The following LRRC34 variants were observed in gnomAD, a reference collection of about 807,000 sequenced individuals.
LRRC34 encodes leucine-rich repeat-containing protein 34.
A neutral mutation model predicts 48.5 loss-of-function variants in LRRC34; 44 were observed. That is an observed-to-expected ratio of 0.91 (90% confidence interval 0.71 to 1.17). The LOEUF (loss-of-function observed/expected upper bound fraction) is 1.17, where lower values mean the gene tolerates loss of function less well. LRRC34 is among the 50% of genes most tolerant of loss of function. The pLI is 0.00. For missense variants in LRRC34, 502 were observed against 563.0 expected (o/e 0.89, Z 1.10); for synonymous variants, 192 against 197.6 (o/e 0.97, Z 0.24).
chr3:169,796,293 G>A lies in LRRC34; in HGVS notation c.985C>T (p.Leu329Phe), dbSNP rs377368072. The change falls in exon 9 of 11, where the codon CTT (leucine) becomes TTT (phenylalanine). Residue 329 changes from leucine (L) to phenylalanine (F), a missense_variant. Coordinates refer to ENST00000446859, the MANE Select transcript of LRRC34 (RefSeq NM_001172779.2). ...KSNTTLEVID[L>F]SFNRIENAGA... ...GCATTTTCTATTCTGTTAAAGGAAAGATCTATTACTTCCAGGGTAGTGTTG... is the reference window on the plus strand; with the variant it reads ...GCATTTTCTATTCTGTTAAAGGAAAAATCTATTACTTCCAGGGTAGTGTTG... The A allele has an allele frequency of 5.6e-5, 91 of 1,612,388 alleles. No homozygotes were observed. The African/African-American group carries it at 1.1e-3, about 20-fold the overall frequency.
Position 169,796,212 on chromosome 3 carries a change from A to G in LRRC34, c.1064+2T>C. The G allele has an allele frequency of 6.3e-7, 1 of 1,593,122 alleles. No individual in the cohort carries two copies. The highest frequency in any genetic ancestry group is 8.5e-7 in the Non-Finnish European group (1 of 1,174,790). On this transcript the variant is annotated splice_donor_variant, in intron 9 of 10. Transcript: ENST00000446859. LOFTEE classifies it high-confidence loss of function. ...TTTGATTAAATATAAAACCATACTA[A>G]CGCTTTAAGACTCCTGTTGTGTGAA...
intron 10 of LRRC34, 110 bp downstream of exon 10, chr3:169,795,375 C>G: frequency 9.0e-7 from 1 of 1,113,462 alleles, no homozygotes; most frequent in Non-Finnish European, 1.2e-6. Flanking sequence ...ATTATCAAAA[C>G]TGCAGTGTCT....
intron 1 of LRRC34, among the ~76,000 whole-genome samples, chr3:169,809,452 T>C (rs73879131): frequency 0.054 from 8,282 of 152,152 alleles, 697 homozygotes; most frequent in African/African-American, 0.19. Context: ...CCATTTCCTC[T>C]TTCTAAAGGT....
chr3:169,797,618 C>T (rs111539930), intron 7 of LRRC34, among the ~76,000 whole-genome samples: 2,180 of 152,258 alleles, frequency 0.014, 20 homozygotes, highest in Middle Eastern at 0.027. Flanking sequence ...AGTACTCTTG[C>T]ATGATTGCTG....
chr3:169,806,915 A>G lies in LRRC34; in HGVS notation c.461T>C (p.Ile154Thr). The change falls in exon 5 of 11, where the codon ATT becomes ACT. Residue 154 changes from isoleucine to threonine, a missense_variant. Physicochemically the swap from Ile to Thr is moderately conservative, Grantham distance 89. Coordinates refer to ENST00000446859, the MANE Select transcript of LRRC34 (RefSeq NM_001172779.2). ...AKLLQKQLNL[I>T]YLNLMFNDIG... ...ATCATTAAACATGAGGTTTAAGTAA[A>G]TGAGATTAAGTTGTTTCTATAAGAG... The G allele has an allele frequency of 6.2e-7, 1 of 1,602,224 alleles. No individual in the cohort carries two copies. The highest frequency in any genetic ancestry group is 8.5e-7 in the Non-Finnish European group (1 of 1,170,978).
At chr3:169,798,484 T>C (rs1779075267) in intron 7 of LRRC34, among the ~76,000 whole-genome samples, 1 of 152,168 alleles carries the variant, frequency 6.6e-6, no homozygotes, top group South Asian at 2.1e-4. Context: ...CAGGTTTGTA[T>C]TTGGGAACAG....
chr3:169,812,435 CG>C lies in LRRC34; in HGVS notation c.113del (p.Pro38ArgfsTer50). 6.5e-7 allele frequency: 1 copy of C among 1,530,068 alleles called. No individual in the cohort carries two copies. The allele number at this position is 1,530,068 out of a possible 1,614,324, so 94.8% of individuals were successfully genotyped here. A position where few individuals can be genotyped will look rare whatever the true frequency, so the allele number is the denominator to read the frequency against. On this transcript the variant is annotated frameshift_variant, in exon 1 of 11. Coordinates refer to ENST00000446859, the MANE Select transcript of LRRC34 (RefSeq NM_001172779.2). LOFTEE classifies it high-confidence loss of function. The surrounding 1 kb of genome is among the most constrained non-coding windows in gnomAD (Gnocchi z 4.3). ...PAWASTQAST[P>X]GAALAVQRES... ...CGCGCTGGACCGCCAGGGCCGCGCC[CG>C]GAGTACTGGCCTGAGTGGAGGCCCA... is the stretch of plus-strand genomic sequence containing the variant.
In LRRC34 at chr3:169,806,837, T is replaced by A; in HGVS notation, c.528+11A>T. 6.4e-7 allele frequency: 1 copy of A among 1,552,358 alleles called. No individual in the cohort carries two copies. Among genetic ancestry groups the A allele is most frequent in the Non-Finnish European group, 8.9e-7 (1 of 1,129,870 alleles). ...AAATACAATGTTAGTTTGAAATACA[T>A]AAATGCTTACATGTAGCACTTTAGC... On this transcript the variant is annotated intron_variant, in intron 5 of 10. Transcript: ENST00000446859.
intron 4 of LRRC34, 74 bp from the exon 5 acceptor site, chr3:169,807,005 A>G: frequency 2.6e-6 from 2 of 776,192 alleles, no homozygotes; most frequent in East Asian, 2.5e-5. Context: ...GTATATACAT[A>G]TACACATACA....
intron 7 of LRRC34, among the ~76,000 whole-genome samples, chr3:169,798,063 A>C (rs1230702911): frequency 6.6e-6 from 1 of 152,222 alleles, no homozygotes; most frequent in Non-Finnish European, 1.5e-5. Context: ...AGGATCTTTA[A>C]AAATGCACGC....
At position 169,808,754 on chromosome 3, in the gene LRRC34, T is replaced by C; in HGVS notation, c.140-9A>G. 1 of 1,352,606 alleles carries C rather than the reference T, an allele frequency of 7.4e-7. No individual in the cohort carries two copies. 83.8% of individuals were successfully genotyped at this position (1,352,606 alleles called of 1,614,324 possible). On this transcript the variant is annotated splice_polypyrimidine_tract_variant and intron_variant, in intron 1 of 10. Coordinates refer to ENST00000446859, the MANE Select transcript of LRRC34 (RefSeq NM_001172779.2). ...ACCAGATTCTGGAGATTCTGAAAAA[T>C]ATATGCATCCTCTATCACATATAAA...
Position 169,807,721 on chromosome 3 carries a change from C to CAAAAAAAAAAAAAAAAAAAA in LRRC34, c.258-32_258-13dup, listed in dbSNP as rs377198673. 1 of 757,530 alleles carries CAAAAAAAAAAAAAAAAAAAA rather than the reference C, an allele frequency of 1.3e-6. No individual in the cohort carries two copies. The highest frequency in any genetic ancestry group is 1.6e-6 in the Non-Finnish European group (1 of 614,798). 46.9% of individuals were successfully genotyped at this position (757,530 alleles called of 1,614,324 possible). On this transcript the variant is annotated splice_polypyrimidine_tract_variant and intron_variant, in intron 2 of 10. Transcript: ENST00000446859. ...TTCCTGCTGCTAGCCTGTTAAAATACAAAAAAAAAAAAAAAAAAAAAAGAT... is the reference window on the plus strand; with the variant it reads ...TTCCTGCTGCTAGCCTGTTAAAATACAAAAAAAAAAAAAAAAAAAAAAAAAAAAAAAAAAAAAAAAAAGAT...
chr3:169,793,480 C>T lies in LRRC34; in HGVS notation c.*155G>A. On this transcript the variant is annotated 3_prime_UTR_variant, in exon 11 of 11. Coordinates refer to ENST00000446859, the MANE Select transcript of LRRC34 (RefSeq NM_001172779.2). ...AAAAATTACCCTACTCAGTTTTTCA[C>T]AATAGACAGTTATACAAAGTTTAAT... 1.8e-6 allele frequency: 1 copy of T among 541,098 alleles called. No individual in the cohort carries two copies. Among genetic ancestry groups the T allele is most frequent in the Non-Finnish European group, 3.1e-6 (1 of 324,566 alleles). The allele number at this position is 541,098 out of a possible 1,614,324, so 33.5% of individuals were successfully genotyped here. A position where few individuals can be genotyped will look rare whatever the true frequency, so the allele number is the denominator to read the frequency against.
chr3:169,793,919 A>G, intron 10 of LRRC34, 81 bp from the exon 11 acceptor site: 4 of 893,008 alleles, frequency 4.5e-6, no homozygotes, highest in Non-Finnish European at 6.7e-6. Flanking sequence ...TAAATATTCA[A>G]ATTAGCTGTG....
chr3:169,812,644 C>T lies in LRRC34; in HGVS notation c.-96G>A, dbSNP rs1779642250. 11 of 1,394,826 alleles carry T rather than the reference C, an allele frequency of 7.9e-6. No homozygotes were observed. The East Asian group carries it at 2.9e-4, about 37-fold the overall frequency. 86.4% of individuals were successfully genotyped at this position (1,394,826 alleles called of 1,614,324 possible). On this transcript the variant is annotated 5_prime_UTR_variant, in exon 1 of 11. Coordinates refer to ENST00000446859, the MANE Select transcript of LRRC34 (RefSeq NM_001172779.2). This position sits in a 1 kb window ranked among gnomAD's most constrained non-coding sequence, Gnocchi z 4.3. ...CTTCGAGTCCCGCTGGCTGTGCCTG[C>T]CCGGGCCCTGAGGCCTCACTGCTAA... is the stretch of plus-strand genomic sequence containing the variant.
chr3:169,801,023 T>C (rs1779170545), intron 6 of LRRC34, among the ~76,000 whole-genome samples: 1 of 152,208 alleles, frequency 6.6e-6, no homozygotes, highest in Non-Finnish European at 1.5e-5. Flanking sequence ...TAGGTTTTTT[T>C]TCCTCACCCC....
chr3:169,807,704 G>A lies in LRRC34; in HGVS notation c.263C>T (p.Ala88Val). The A allele has an allele frequency of 7.0e-7, 1 of 1,419,592 alleles. No individual in the cohort carries two copies. The highest frequency in any genetic ancestry group is 2.2e-4 in the Middle Eastern group (1 of 4,510). The allele number at this position is 1,419,592 out of a possible 1,614,324, so 87.9% of individuals were successfully genotyped here. ...AGCAATGTTTAATGTGATTCCTGCT[G>A]CTAGCCTGTTAAAATACAAAAAAAA... The part of the protein sequence containing the change: ...EVDEEIKKGL[A>V]AGITLNIAGN... Residue 88 changes from alanine (A) to valine (V), a missense_variant, in exon 3 of 11, where the codon GCA (alanine) becomes GTA (valine). Physicochemically the swap from Ala to Val is moderately conservative, Grantham distance 64. Transcript: ENST00000446859.
At chr3:169,804,942 C>T (rs1168224323) in intron 5 of LRRC34, among the ~76,000 whole-genome samples, 2 of 152,188 alleles carry the variant, frequency 1.3e-5, no homozygotes, top group Non-Finnish European at 2.9e-5. Flanking sequence ...TACCATTAAC[C>T]AGTCACTCCC....
At chr3:169,796,621 A>T in intron 8 of LRRC34, 124 bp downstream of exon 8, 1 of 1,067,328 alleles carries the variant, frequency 9.4e-7, no homozygotes, top group East Asian at 2.8e-5. Flanking sequence ...AAGGATTGAC[A>T]ATTGGTTGCA....
Sources: allele counts gnomAD v4.1 joint callset (sites outside exome capture counted in the v4.1 genomes callset), GRCh38; gene constraint gnomAD v4.1.1; non-coding constraint Gnocchi (gnomAD v3.1); transcripts MANE v1.5; gene names NCBI Gene and HGNC (gene_info 2026-07-23, HGNC 2026-07-21).